Variants in THEMIS observed in about 807,000 individuals in gnomAD.
THEMIS encodes protein THEMIS.
THEMIS carries 37 observed loss-of-function variants against 52.6 expected under a neutral mutation model. That is an observed-to-expected ratio of 0.70 (90% CI 0.54 to 0.93). THEMIS has a LOEUF of 0.93. Among genes scored for constraint, THEMIS ranks in the 40% least tolerant of loss-of-function variants. The pLI, the probability that THEMIS is intolerant of heterozygous loss-of-function variation, is 0.00. For missense variants in THEMIS, 808 were observed against 763.1 expected (o/e 1.06, Z -0.69); for synonymous variants, 292 against 272.7 (o/e 1.07, Z -0.70).
At chr6:127,696,654 T>C in the THEMIS span, among the ~76,000 whole-genome samples, 1 of 152,324 alleles carries the variant, frequency 6.6e-6, no homozygotes, top group South Asian at 2.1e-4. Context: ...CAGAGATTTA[T>C]TTTCTAAGAG....
chr6:127,876,169 C>T (rs889724043), intron 1 of THEMIS, among the ~76,000 whole-genome samples: 1 of 152,146 alleles, frequency 6.6e-6, no homozygotes, highest in Non-Finnish European at 1.5e-5. Flanking sequence ...GCAAGAGACA[C>T]TACAGGCAAT....
At chr6:127,734,060 C>T (rs1774901337) in intron 4 of THEMIS, among the ~76,000 whole-genome samples, 2 of 152,020 alleles carry the variant, frequency 1.3e-5, no homozygotes, top group Non-Finnish European at 1.5e-5. Flanking sequence ...AACATTCATG[C>T]TGTGGTAAAC....
At chr6:127,822,577 T>C (rs1300798644) in intron 3 of THEMIS, among the ~76,000 whole-genome samples, 1 of 152,166 alleles carries the variant, frequency 6.6e-6, no homozygotes, top group Non-Finnish European at 1.5e-5. Flanking sequence ...GTCCATAAAA[T>C]CTAAGAAAAG....
intron 4 of THEMIS, among the ~76,000 whole-genome samples, chr6:127,755,123 G>A (rs556197416): frequency 1.3e-4 from 19 of 151,806 alleles, no homozygotes; most frequent in Middle Eastern, 3.4e-3. Context: ...TTTGAAAACC[G>A]CCAGCATCTA....
At chr6:127,868,488 T>G in intron 1 of THEMIS, 9 of 985,404 alleles carry the variant, frequency 9.1e-6, no homozygotes, top group Non-Finnish European at 9.6e-6. Context: ...CTTCCACAAA[T>G]GAACTCTGGT....
chr6:127,914,281 T>C (rs1328225395), intron 1 of THEMIS, among the ~76,000 whole-genome samples: 1 of 152,166 alleles, frequency 6.6e-6, no homozygotes, highest in East Asian at 1.9e-4. Context: ...ATGCTCAACC[T>C]GTATTGCTCT....
chr6:127,755,957 G>T (rs915360882), intron 4 of THEMIS, among the ~76,000 whole-genome samples: 2 of 151,714 alleles, frequency 1.3e-5, no homozygotes, highest in Non-Finnish European at 2.9e-5. Flanking sequence ...AACCCAGGAG[G>T]CAGAAATTGC....
chr6:127,767,519 A>C (rs1052776005), intron 4 of THEMIS, among the ~76,000 whole-genome samples: 1 of 152,168 alleles, frequency 6.6e-6, no homozygotes, highest in Non-Finnish European at 1.5e-5. Context: ...ACACAGGGTC[A>C]TGGTCATCAA....
intron 4 of THEMIS, among the ~76,000 whole-genome samples, chr6:127,765,094 C>A (rs1485195685): frequency 1.3e-5 from 2 of 151,832 alleles, no homozygotes; most frequent in African/African-American, 4.8e-5. Flanking sequence ...CACATAATTT[C>A]TTTCTTAAAA....
intron 1 of THEMIS, among the ~76,000 whole-genome samples, chr6:127,887,918 A>C (rs1194536544): frequency 2.6e-5 from 4 of 152,154 alleles, no homozygotes; most frequent in Admixed American, 6.6e-5. Flanking sequence ...CCTAACTTAT[A>C]CGTAAGAAAG....
At chr6:127,765,214 G>T (rs539621471) in intron 4 of THEMIS, among the ~76,000 whole-genome samples, 12 of 152,148 alleles carry the variant, frequency 7.9e-5, no homozygotes, top group Non-Finnish European at 1.6e-4. Flanking sequence ...GATAAGAATT[G>T]TTATTTTCTT....
At chr6:127,770,871 T>C (rs922755768) in intron 4 of THEMIS, among the ~76,000 whole-genome samples, 1 of 152,160 alleles carries the variant, frequency 6.6e-6, no homozygotes, top group African/African-American at 2.4e-5. Context: ...ATTTATTAAA[T>C]AGGGAATCCT....
At chr6:127,742,320 AAAAAAAAACAAAC>A (rs1253322561) in intron 4 of THEMIS, among the ~76,000 whole-genome samples, 10 of 150,198 alleles carry the variant, frequency 6.7e-5, no homozygotes, top group African/African-American at 2.2e-4. Context: ...GCTTAAAAAA[AAAAAAAAACAAAC>A]AAAAAAACAA....
intron 1 of THEMIS, among the ~76,000 whole-genome samples, chr6:127,912,285 C>G (rs1781430292): frequency 6.6e-6 from 1 of 152,148 alleles, no homozygotes; most frequent in Non-Finnish European, 1.5e-5. Context: ...CCCATAGTAC[C>G]TAGGAAGTAA....
At chr6:127,876,994 A>G (rs918447703) in intron 1 of THEMIS, among the ~76,000 whole-genome samples, 1 of 152,194 alleles carries the variant, frequency 6.6e-6, no homozygotes, top group African/African-American at 2.4e-5. Flanking sequence ...CTCAGTGCAT[A>G]TAAAAATTAT....
At chr6:127,871,521 GA>G (rs1395035757) in intron 1 of THEMIS, among the ~76,000 whole-genome samples, 1 of 151,740 alleles carries the variant, frequency 6.6e-6, no homozygotes, top group African/African-American at 2.4e-5. Flanking sequence ...ATGAAGCAAA[GA>G]GAAGATTCTT....
rs559655568 is a variant in THEMIS, at chr6:127,799,565, T to A, written c.1758+13318A>T. Among the ~76,000 whole-genome samples, 661 of 140,040 alleles carry A rather than the reference T, an allele frequency of 4.7e-3. 5 individuals carry two copies. Among genetic ancestry groups the A allele is most frequent in the African/African-American group, 0.02 (613 of 31,174 alleles). The allele number at this position is 140,040 out of a possible 152,430, so 91.9% of individuals were successfully genotyped here. ...TTTCTTTCTTTCTATCTTTCTTTCTTTCTTTCTTTCTTTCTTTCTTTTTTT... is the reference window on the plus strand; with the variant it reads ...TTTCTTTCTTTCTATCTTTCTTTCTATCTTTCTTTCTTTCTTTCTTTTTTT... On this transcript the variant is annotated intron_variant, in intron 4 of 5. Coordinates refer to ENST00000368248, the MANE Select transcript of THEMIS (RefSeq NM_001010923.3).
chr6:127,741,034 C>T (rs964390416), intron 4 of THEMIS, among the ~76,000 whole-genome samples: 5 of 152,164 alleles, frequency 3.3e-5, no homozygotes, highest in South Asian at 4.1e-4. Context: ...TAGATAACAT[C>T]TATTAGAACC....
At chr6:127,769,535 T>C (rs1258295776) in intron 4 of THEMIS, among the ~76,000 whole-genome samples, 1 of 152,126 alleles carries the variant, frequency 6.6e-6, no homozygotes, top group Non-Finnish European at 1.5e-5. Context: ...TCAGGCATTG[T>C]TCTCTACGGC....
Sources: gnomAD v4.1 joint callset for allele counts (sites outside exome capture counted in the v4.1 genomes callset) on GRCh38, gnomAD v4.1.1 for gene constraint, MANE v1.5 for transcripts, NCBI Gene and HGNC (gene_info 2026-07-23, HGNC 2026-07-21) for gene names.